EXOC4: variants seen among roughly 807,000 people sequenced by gnomAD.
EXOC4 encodes SEC8-like 1.
EXOC4 carries 71 observed loss-of-function variants against 107.2 expected under a neutral mutation model. That is an observed-to-expected ratio of 0.66 (90% CI 0.55 to 0.81). EXOC4 has a LOEUF of 0.81. Among genes scored for constraint, EXOC4 ranks in the 30% least tolerant of loss-of-function variants. EXOC4 has a pLI of 0.00. For missense variants in EXOC4, 1,108 were observed against 1,189.6 expected, an observed-to-expected ratio of 0.93 and a Z score of 1.01; for synonymous variants, 456 against 441.2, an observed-to-expected ratio of 1.03 and a Z score of -0.42.
chr7:134,041,063 C>G (rs548858845), intron 17 of EXOC4, among the ~76,000 whole-genome samples: 115 of 152,268 alleles, frequency 7.6e-4, no homozygotes, highest in African/African-American at 2.7e-3. Flanking sequence ...TTGCATATAG[C>G]CTCCTCTCCC....
intron 9 of EXOC4, among the ~76,000 whole-genome samples, chr7:133,491,409 T>C (rs1480323105): frequency 1.3e-5 from 2 of 152,224 alleles, no homozygotes; most frequent in African/African-American, 4.8e-5. Flanking sequence ...GATGTTCATA[T>C]GTGGAATATT....
chr7:133,851,625 G>C (rs1020462340), intron 11 of EXOC4, among the ~76,000 whole-genome samples: 8 of 152,156 alleles, frequency 5.3e-5, no homozygotes, highest in Non-Finnish European at 1.0e-4. Flanking sequence ...TGCATGGCAG[G>C]CTCTATGGTG....
chr7:133,321,854 T>C (rs1245663240), intron 5 of EXOC4, among the ~76,000 whole-genome samples: 1 of 152,220 alleles, frequency 6.6e-6, no homozygotes, highest in African/African-American at 2.4e-5. Context: ...TGTAAAAGTG[T>C]TCCTATTTCT....
At chr7:133,757,570 A>G (rs1201502814) in intron 10 of EXOC4, among the ~76,000 whole-genome samples, 1 of 152,228 alleles carries the variant, frequency 6.6e-6, no homozygotes, top group Non-Finnish European at 1.5e-5. Flanking sequence ...ATTATGGTGA[A>G]AAAAGGACAA....
At chr7:133,888,463 AGT>A (rs1799134555) in intron 11 of EXOC4, among the ~76,000 whole-genome samples, 1 of 152,164 alleles carries the variant, frequency 6.6e-6, no homozygotes, top group South Asian at 2.1e-4. Flanking sequence ...TATTTACCCC[AGT>A]GTATTTCTGC....
At chr7:133,592,514 C>G (rs1801573228) in intron 9 of EXOC4, among the ~76,000 whole-genome samples, 1 of 152,170 alleles carries the variant, frequency 6.6e-6, no homozygotes, top group Non-Finnish European at 1.5e-5. Flanking sequence ...GCAATCTCGG[C>G]TCACTGCCAC....
At chr7:133,811,334 A>G (rs1237412991) in intron 10 of EXOC4, among the ~76,000 whole-genome samples, 5 of 152,302 alleles carry the variant, frequency 3.3e-5, no homozygotes, top group South Asian at 4.1e-4. Context: ...TCATACTTCC[A>G]TAGAGCTAAT....
chr7:133,781,411 G>C (rs770398955), intron 10 of EXOC4, among the ~76,000 whole-genome samples: 1 of 152,218 alleles, frequency 6.6e-6, no homozygotes, highest in Admixed American at 6.5e-5. Context: ...AAAGAACAGT[G>C]GGCCTGGATT....
chr7:134,069,009 C>G (rs2116660211), downstream of EXOC4, among the ~76,000 whole-genome samples: 2 of 152,300 alleles, frequency 1.3e-5, no homozygotes, highest in East Asian at 3.9e-4. Flanking sequence ...CTTACAACTC[C>G]TCTCTGATCT....
intron 9 of EXOC4, among the ~76,000 whole-genome samples, chr7:133,500,953 A>G (rs544457831): frequency 3.9e-5 from 6 of 152,262 alleles, no homozygotes; most frequent in African/African-American, 9.6e-5. Context: ...CTCTTATTAT[A>G]TGTCATGTCT....
intron 10 of EXOC4, among the ~76,000 whole-genome samples, chr7:133,642,691 C>T (rs1485190848): frequency 1.3e-5 from 2 of 151,972 alleles, no homozygotes; most frequent in Non-Finnish European, 2.9e-5. Flanking sequence ...CATGTCACTC[C>T]CCTCCTTCTT....
intron 5 of EXOC4, among the ~76,000 whole-genome samples, chr7:133,342,099 T>G (rs1005795832): frequency 6.8e-6 from 1 of 147,100 alleles, no homozygotes; most frequent in Admixed American, 6.8e-5. Flanking sequence ...AATACCTTGG[T>G]TTTTTTTTTT....
At chr7:133,877,935 A>G (rs934576842) in intron 11 of EXOC4, among the ~76,000 whole-genome samples, 1 of 152,094 alleles carries the variant, frequency 6.6e-6, no homozygotes, top group African/African-American at 2.4e-5. Context: ...TTCCTGCATC[A>G]TGGCCCAGAA....
intron 9 of EXOC4, among the ~76,000 whole-genome samples, chr7:133,511,252 A>G (rs941836830): frequency 1.9e-4 from 29 of 152,144 alleles, no homozygotes; most frequent in African/African-American, 6.5e-4. Context: ...GTGAAATCTC[A>G]AGTAGTTAGA....
chr7:133,481,136 G>A (rs771056289), intron 9 of EXOC4: 1 of 151,578 alleles, frequency 6.6e-6, no homozygotes, highest in Non-Finnish European at 1.5e-5. Context: ...AGTAGTGGAA[G>A]TTGGGTACAA....
chr7:133,729,142 A>G (rs1044967187), intron 10 of EXOC4, among the ~76,000 whole-genome samples: 1 of 152,282 alleles, frequency 6.6e-6, no homozygotes, highest in African/African-American at 2.4e-5. Context: ...ATTTTCTTCC[A>G]TTATATTTCC....
intron 6 of EXOC4, among the ~76,000 whole-genome samples, chr7:133,360,805 CAAG>C (rs761486274): frequency 6.6e-6 from 1 of 152,110 alleles, no homozygotes; most frequent in Middle Eastern, 3.4e-3. Flanking sequence ...ATTTTAATCA[CAAG>C]AAATTATTAG....
At chr7:133,763,236 A>ACT (rs891973865) in intron 10 of EXOC4, among the ~76,000 whole-genome samples, 23 of 151,990 alleles carry the variant, frequency 1.5e-4, no homozygotes, top group African/African-American at 5.6e-4. Context: ...AGGGTCAGAA[A>ACT]CTCTTACCAA....
chr7:133,663,111 T>G (rs1198139593), intron 10 of EXOC4, among the ~76,000 whole-genome samples: 1 of 152,206 alleles, frequency 6.6e-6, no homozygotes, highest in African/African-American at 2.4e-5. Context: ...ACCACCATTG[T>G]GACCAGCTAT....
Sources: allele counts gnomAD v4.1 joint callset (sites outside exome capture counted in the v4.1 genomes callset), GRCh38; gene constraint gnomAD v4.1.1; transcripts MANE v1.5; gene names NCBI Gene and HGNC (gene_info 2026-07-23, HGNC 2026-07-21).